TRIM71: variants seen among roughly 807,000 people sequenced by gnomAD.
The protein encoded by TRIM71 is tripartite motif containing 71.
TRIM71 carries 9 observed loss-of-function variants against 61.2 expected under a neutral mutation model. The observed-to-expected ratio is 0.15, with a 90% CI of 0.09 to 0.26. TRIM71 has a LOEUF of 0.26. Among genes scored for constraint, TRIM71 ranks in the 10% least tolerant of loss-of-function variants. The pLI is 1.00. For synonymous variants in TRIM71, 645 were observed against 553.2 expected (o/e 1.17, Z -2.33); for missense variants, 998 against 1,238.7 (o/e 0.81, Z 2.92).
At chr3:32,851,367 A>G (rs971504657) in intron 1 of TRIM71, among the ~76,000 whole-genome samples, 19 of 152,154 alleles carry the variant, frequency 1.2e-4, no homozygotes, top group Admixed American at 1.2e-3. Context: ...TGATTGGTAT[A>G]TTTCTCTCCT....
intron 1 of TRIM71, among the ~76,000 whole-genome samples, chr3:32,832,988 C>T (rs1370809869): frequency 6.6e-6 from 1 of 151,628 alleles, no homozygotes; most frequent in East Asian, 1.9e-4. Flanking sequence ...GCCTGGCCAA[C>T]ACATGGTGAA....
rs1227481679 is a variant in TRIM71, at chr3:32,897,135, G to A, written c.*5324G>A. The A allele has an allele frequency of 6.6e-6, 1 of 151,986 alleles. No individual in the cohort carries two copies. Among genetic ancestry groups the A allele is most frequent in the Non-Finnish European group, 1.5e-5 (1 of 68,020 alleles). 9.4% of individuals were successfully genotyped at this position (151,986 alleles called of 1,614,324 possible). ...TACTGTCCATTAGCTCTCATGCCGG[G>A]TCAGCAAAATGCTTTAATTTTTAAC... is the stretch of plus-strand genomic sequence containing the variant. On this transcript the variant is annotated 3_prime_UTR_variant, in exon 4 of 4. Transcript: ENST00000383763.
At chr3:32,876,649 T>C (rs1255894718) in intron 2 of TRIM71, among the ~76,000 whole-genome samples, 1 of 152,190 alleles carries the variant, frequency 6.6e-6, no homozygotes, top group African/African-American at 2.4e-5. Context: ...GATTGTGATA[T>C]GATTTTATTA....
intron 1 of TRIM71, among the ~76,000 whole-genome samples, chr3:32,869,957 TC>T (rs1696778238): frequency 6.6e-6 from 1 of 152,212 alleles, no homozygotes; most frequent in South Asian, 2.1e-4. Context: ...GACCTGTTCT[TC>T]CCAGTCCCTT....
chr3:32,882,090 G>A (rs763960067), intron 2 of TRIM71, among the ~76,000 whole-genome samples: 2 of 152,168 alleles, frequency 1.3e-5, no homozygotes, highest in African/African-American at 2.4e-5. Context: ...GGTGAGTAGG[G>A]TAGTACACCC....
At chr3:32,882,471 C>T (rs1696919953) in intron 2 of TRIM71, among the ~76,000 whole-genome samples, 2 of 152,238 alleles carry the variant, frequency 1.3e-5, no homozygotes, top group South Asian at 4.1e-4. Context: ...GGGGCTGTGA[C>T]TCTTCAAACT....
chr3:32,890,738 C>G lies in TRIM71; in HGVS notation c.1534C>G (p.His512Asp). The change falls in exon 4 of 4, where the codon CAC becomes GAC. Residue 512 changes from histidine to aspartate, a missense_variant. By Grantham distance (81) the His-to-Asp change is moderately conservative. Around this residue, in one of 5 missense-constraint regions of TRIM71, gnomAD observed 291 missense variants for 431.2 expected, o/e 0.67. Coordinates refer to ENST00000383763, the MANE Select transcript of TRIM71 (RefSeq NM_001039111.3). The surrounding 1 kb of genome is among the most constrained non-coding windows in gnomAD (Gnocchi z 6.2). ...VASFTVIGYDHDGEPRLSGGD... is the reference protein window; with the variant it reads ...VASFTVIGYDDDGEPRLSGGD... The stretch of plus-strand genomic sequence containing the variant: ...CTCCTTCACAGTCATTGGTTATGAC[C>G]ACGATGGTGAGCCCCGCCTCTCAGG... The G allele has an allele frequency of 6.2e-7, 1 of 1,614,102 alleles. No individual in the cohort carries two copies. Among genetic ancestry groups the G allele is most frequent in the Non-Finnish European group, 8.5e-7 (1 of 1,180,014 alleles).
In TRIM71 at chr3:32,891,956, C is replaced by T. The variant is rs1575362715; in HGVS notation, c.*145C>T. The T allele has an allele frequency of 8.4e-7, 1 of 1,195,502 alleles. No individual in the cohort carries two copies. Among genetic ancestry groups the T allele is most frequent in the Non-Finnish European group, 1.1e-6 (1 of 891,182 alleles). 74.1% of individuals were successfully genotyped at this position (1,195,502 alleles called of 1,614,324 possible). ...TTTTCTTTTTTTTTTTTAAAGAGAA[C>T]AAGAAAAGTACAACATTGCTTAAGT... On this transcript the variant is annotated 3_prime_UTR_variant, in exon 4 of 4. Coordinates refer to ENST00000383763, the MANE Select transcript of TRIM71 (RefSeq NM_001039111.3). The surrounding 1 kb of genome is among the most constrained non-coding windows in gnomAD (Gnocchi z 8.2).
chr3:32,858,938 C>A (rs1696635365), intron 1 of TRIM71, among the ~76,000 whole-genome samples: 1 of 152,126 alleles, frequency 6.6e-6, no homozygotes, highest in African/African-American at 2.4e-5. Context: ...CCCACCATAG[C>A]AGGTCTGGCT....
intron 1 of TRIM71, among the ~76,000 whole-genome samples, chr3:32,858,215 T>A (rs1696628025): frequency 6.6e-6 from 1 of 152,148 alleles, no homozygotes; most frequent in African/African-American, 2.4e-5. Flanking sequence ...GTTCCTCATT[T>A]GTCTTACTGA....
intron 1 of TRIM71, among the ~76,000 whole-genome samples, chr3:32,846,523 T>C (rs1696477068): frequency 6.6e-6 from 1 of 152,224 alleles, no homozygotes; most frequent in African/African-American, 2.4e-5. Context: ...GTTTAAAATA[T>C]TTAAAATCTG....
At chr3:32,856,927 G>A (rs1416817948) in intron 1 of TRIM71, among the ~76,000 whole-genome samples, 1 of 152,150 alleles carries the variant, frequency 6.6e-6, no homozygotes, top group Non-Finnish European at 1.5e-5. Context: ...CACCCCGAGA[G>A]GAAATGTAGT....
At chr3:32,833,183 T>TAAAAAAAAA (rs1696293408) in intron 1 of TRIM71, among the ~76,000 whole-genome samples, 2 of 39,100 alleles carry the variant, frequency 5.1e-5, no homozygotes, top group Non-Finnish European at 1.3e-4. Context: ...AACTCTGTCT[T>TAAAAAAAAA]TAAAAAAAAA....
Position 32,818,302 on chromosome 3 carries a change from G to T in TRIM71, c.222G>T (p.Arg74=). 7.0e-7 allele frequency: 1 copy of T among 1,433,532 alleles called. No individual in the cohort carries two copies. Among genetic ancestry groups the T allele is most frequent in the Non-Finnish European group, 9.1e-7 (1 of 1,099,396 alleles). 88.8% of individuals were successfully genotyped at this position (1,433,532 alleles called of 1,614,324 possible). A position where few individuals can be genotyped will look rare whatever the true frequency, so the allele number is the denominator to read the frequency against. ...GCCGCCCCTGCCTCGAGGCGCACCG[G>T]CTGCCGGCGGCGGGCGGCGGCGCGG... ...AFCRPCLEAH[R]LPAAGGGAAG... The change falls in exon 1 of 4, where the codon CGG becomes CGT. Residue 74 remains arginine, a synonymous_variant. Coordinates refer to ENST00000383763, the MANE Select transcript of TRIM71 (RefSeq NM_001039111.3).
At chr3:32,832,397 G>GAT (rs1277231741) in intron 1 of TRIM71, among the ~76,000 whole-genome samples, 1 of 152,224 alleles carries the variant, frequency 6.6e-6, no homozygotes, top group Non-Finnish European at 1.5e-5. Context: ...GAGCCCAGGA[G>GAT]ATCAAGGCTG....
chr3:32,868,216 T>C (rs1348287456), intron 1 of TRIM71, among the ~76,000 whole-genome samples: 2 of 152,148 alleles, frequency 1.3e-5, no homozygotes, highest in Non-Finnish European at 2.9e-5. Context: ...GGCCTTTTGT[T>C]TTTGGTTGTG....
At chr3:32,841,490 G>A (rs999289861) in intron 1 of TRIM71, among the ~76,000 whole-genome samples, 3 of 151,676 alleles carry the variant, frequency 2.0e-5, no homozygotes, top group East Asian at 2.0e-4. Context: ...TGGGCAACAC[G>A]GCAAAACCCT....
At chr3:32,887,240 G>A (rs577799963) in intron 3 of TRIM71, among the ~76,000 whole-genome samples, 1 of 152,242 alleles carries the variant, frequency 6.6e-6, no homozygotes, top group South Asian at 2.1e-4. Flanking sequence ...CCTCCTGTGA[G>A]GCTGACCCAC....
rs1011209310 is a variant in TRIM71 at position 32,818,529 on chromosome 3, G to C, written c.449G>C (p.Arg150Pro). ...GGAGCGGGCGGCCACAGCAACCACC[G>C]GCACCACGCTCACCACGCGCACCCG... Reference protein sequence around the residue: ...PAGAGGHSNHRHHAHHAHPRA... With the variant: ...PAGAGGHSNHPHHAHHAHPRA... Residue 150 changes from arginine to proline, a missense_variant, in exon 1 of 4, where the codon CGG (arginine) becomes CCG (proline). Around this residue, in one of 5 missense-constraint regions of TRIM71, gnomAD observed 527 missense variants for 427.8 expected, o/e 1.23. Coordinates refer to ENST00000383763, the MANE Select transcript of TRIM71 (RefSeq NM_001039111.3). 13 of 1,365,836 alleles carry C rather than the reference G, an allele frequency of 9.5e-6. No individual in the cohort carries two copies. The highest frequency in any genetic ancestry group is 9.5e-5 in the South Asian group (6 of 63,142). 84.6% of individuals were successfully genotyped at this position (1,365,836 alleles called of 1,614,324 possible). A position where few individuals can be genotyped will look rare whatever the true frequency, so the allele number is the denominator to read the frequency against.
Sources: allele counts gnomAD v4.1 joint callset (sites outside exome capture counted in the v4.1 genomes callset), GRCh38; gene constraint gnomAD v4.1.1; regional missense constraint gnomAD v4.1.1; non-coding constraint Gnocchi (gnomAD v3.1); transcripts MANE v1.5; gene names NCBI Gene and HGNC (gene_info 2026-07-23, HGNC 2026-07-21).